ATP6V1C1: variants seen among roughly 807,000 people sequenced by gnomAD.
The protein encoded by ATP6V1C1 is V-type proton ATPase subunit C 1.
In ATP6V1C1, 45 loss-of-function variants were observed where a neutral mutation model predicts 53.9. The ratio of observed to expected loss-of-function variants is 0.83; its 90% confidence interval spans 0.66 to 1.07. The LOEUF is 1.07. Among genes scored for constraint, ATP6V1C1 ranks in the 50% least tolerant of loss-of-function variants. ATP6V1C1 has a pLI of 0.00. For missense variants in ATP6V1C1, 315 were observed against 440.3 expected (o/e 0.72, Z 2.55); for synonymous variants, 153 against 155.2 (o/e 0.99, Z 0.11).
At chr8:103,056,269 C>T (rs1465469663) in intron 8 of ATP6V1C1, among the ~76,000 whole-genome samples, 3 of 152,132 alleles carry the variant, frequency 2.0e-5, no homozygotes, top group African/African-American at 7.2e-5. Context: ...TTTGAAAATT[C>T]TTTATTCATT....
At chr8:103,021,532 T>C (rs906260241) in intron 1 of ATP6V1C1, 1 of 152,064 alleles carries the variant, frequency 6.6e-6, no homozygotes, top group African/African-American at 2.4e-5. Flanking sequence ...CGCCGCCTGA[T>C]TGATTGAGGG....
At chr8:103,030,936 A>G (rs892631122) in intron 1 of ATP6V1C1, among the ~76,000 whole-genome samples, 1 of 152,220 alleles carries the variant, frequency 6.6e-6, no homozygotes, top group Non-Finnish European at 1.5e-5. Context: ...GTTAGACCTT[A>G]GTATCAGAGA....
chr8:103,051,294 T>G (rs945830071), intron 5 of ATP6V1C1, 150 bp downstream of exon 5: 2 of 604,288 alleles, frequency 3.3e-6, no homozygotes, highest in African/African-American at 3.7e-5. Context: ...CATTAAAAGA[T>G]GTTAAAAAGT....
intron 3 of ATP6V1C1, among the ~76,000 whole-genome samples, chr8:103,045,529 T>C (rs1817078236): frequency 6.6e-6 from 1 of 152,184 alleles, no homozygotes; most frequent in Admixed American, 6.5e-5. Context: ...CATATATTCA[T>C]ATAGAGCAAA....
intron 1 of ATP6V1C1, among the ~76,000 whole-genome samples, chr8:103,033,208 G>A (rs1816829125): frequency 6.6e-6 from 1 of 152,214 alleles, no homozygotes. Flanking sequence ...GACTGAGTGT[G>A]AGGGAAGGTT....
intron 1 of ATP6V1C1, among the ~76,000 whole-genome samples, chr8:103,034,769 T>C (rs894074436): frequency 1.3e-5 from 2 of 151,850 alleles, no homozygotes; most frequent in African/African-American, 2.4e-5. Flanking sequence ...CATGGTTTTG[T>C]CATGTTGGGC....
At chr8:103,031,270 GCAAA>G (rs754838311) in intron 1 of ATP6V1C1, among the ~76,000 whole-genome samples, 5 of 152,188 alleles carry the variant, frequency 3.3e-5, no homozygotes, top group Non-Finnish European at 5.9e-5. Flanking sequence ...GAAAAGGTCA[GCAAA>G]CTACAAGATA....
chr8:103,049,011 C>G lies in ATP6V1C1; in HGVS notation c.286+56C>G. ...AACTCATACAAAGCAAATAACTAAGCTACAGAAACAAAAAGTAATGTAAAA... is the reference window on the plus strand; with the variant it reads ...AACTCATACAAAGCAAATAACTAAGGTACAGAAACAAAAAGTAATGTAAAA... On this transcript the variant is annotated intron_variant, in intron 4 of 12. Coordinates refer to ENST00000518738, the MANE Select transcript of ATP6V1C1 (RefSeq NM_001695.5). The G allele has an allele frequency of 2.7e-6, 4 of 1,487,998 alleles. No individual in the cohort carries two copies. The African/African-American group carries it at 5.6e-5, about 21-fold the overall frequency. The allele number at this position is 1,487,998 out of a possible 1,614,324, so 92.2% of individuals were successfully genotyped here.
At chr8:103,065,814 C>T (rs150408145) in intron 11 of ATP6V1C1, among the ~76,000 whole-genome samples, 194 of 152,108 alleles carry the variant, frequency 1.3e-3, no homozygotes, top group Middle Eastern at 6.8e-3. Context: ...GAGGCCAAGG[C>T]GGGCAGATCA....
intron 3 of ATP6V1C1, among the ~76,000 whole-genome samples, chr8:103,043,606 C>T (rs3019166): frequency 1.4e-3 from 212 of 152,218 alleles, no homozygotes; most frequent in Non-Finnish European, 1.9e-3. Context: ...GCTGGGATTA[C>T]AGGCGTGAGC....
At chr8:103,042,452 A>G in intron 3 of ATP6V1C1, 45 bp downstream of exon 3, 7 of 1,569,704 alleles carry the variant, frequency 4.5e-6, no homozygotes, top group South Asian at 2.2e-5. Flanking sequence ...GGGAGACACT[A>G]TTATCAGGCT....
In ATP6V1C1 at chr8:103,070,555, A is replaced by C. The variant is rs1042085599; in HGVS notation, c.*1808A>C. On this transcript the variant is annotated 3_prime_UTR_variant, in exon 13 of 13. Transcript: ENST00000518738. Reference sequence around the variant, plus strand: ...GTCTTAGTATCTGTAACGTGGCGCTACTCTCTCTATCATGGGGGGGCATGT... The same window carrying C: ...GTCTTAGTATCTGTAACGTGGCGCTCCTCTCTCTATCATGGGGGGGCATGT... 6 of 152,058 alleles carry C rather than the reference A, an allele frequency of 3.9e-5. No homozygotes were observed. The highest frequency in any genetic ancestry group is 3.3e-4 in the Admixed American group (5 of 15,256). 9.4% of individuals were successfully genotyped at this position (152,058 alleles called of 1,614,324 possible).
At chr8:103,043,429 TCTC>T (rs762814477) in intron 3 of ATP6V1C1, among the ~76,000 whole-genome samples, 12 of 152,068 alleles carry the variant, frequency 7.9e-5, no homozygotes, top group Non-Finnish European at 1.8e-4. Flanking sequence ...TTCAAGCAAT[TCTC>T]CTCCCTCAGC....
intron 8 of ATP6V1C1, among the ~76,000 whole-genome samples, chr8:103,056,767 A>G (rs1817295612): frequency 6.6e-6 from 1 of 152,212 alleles, no homozygotes. Flanking sequence ...GGATTCTTAT[A>G]GATATATATG....
At chr8:103,044,152 G>A (rs1318779814) in intron 3 of ATP6V1C1, among the ~76,000 whole-genome samples, 5 of 152,188 alleles carry the variant, frequency 3.3e-5, no homozygotes, top group Non-Finnish European at 7.3e-5. Context: ...CCAAAGTGCT[G>A]GGATTACAGG....
At chr8:103,068,142 G>T (rs1229996554) in intron 12 of ATP6V1C1, among the ~76,000 whole-genome samples, 1 of 152,102 alleles carries the variant, frequency 6.6e-6, no homozygotes, top group Non-Finnish European at 1.5e-5. Flanking sequence ...ACCACTGCTG[G>T]TTAATGTTTT....
intron 8 of ATP6V1C1, among the ~76,000 whole-genome samples, chr8:103,057,426 A>G (rs572872962): frequency 1.1e-4 from 17 of 152,350 alleles, no homozygotes; most frequent in African/African-American, 3.6e-4. Context: ...TCGGCCTCCC[A>G]ATCAGTCTGA....
At chr8:103,053,793 A>G in intron 6 of ATP6V1C1, 91 bp from the exon 7 acceptor site, 1 of 889,408 alleles carries the variant, frequency 1.1e-6, no homozygotes, top group Non-Finnish European at 1.8e-6. Flanking sequence ...ATGTATATAT[A>G]GTATATGTGA....
intron 12 of ATP6V1C1, 24 bp from the exon 13 acceptor site, chr8:103,068,628 A>T (rs1205786739): frequency 2.0e-6 from 3 of 1,529,038 alleles, no homozygotes; most frequent in Non-Finnish European, 2.7e-6. Flanking sequence ...TACAAAATTG[A>T]ATAATTGTCT....
Sources: allele counts gnomAD v4.1 joint callset (sites outside exome capture counted in the v4.1 genomes callset), GRCh38; gene constraint gnomAD v4.1.1; transcripts MANE v1.5; gene names NCBI Gene and HGNC (gene_info 2026-07-23, HGNC 2026-07-21).